The following ASAP1 variants were observed in gnomAD, a reference collection of about 807,000 sequenced individuals.
The protein encoded by ASAP1 is arf-GAP with SH3 domain, ANK repeat and PH domain-containing protein 1.
Under a neutral mutation model 145.2 loss-of-function variants are expected in ASAP1, and 43 were observed. That is an observed-to-expected ratio of 0.30 (90% CI 0.23 to 0.38). The LOEUF (loss-of-function observed/expected upper bound fraction) is 0.38, where lower values mean the gene tolerates loss of function less well. Among genes scored for constraint, ASAP1 ranks in the 10% least tolerant of loss-of-function variants. The pLI is 1.00. For missense variants in ASAP1, 1,018 were observed against 1,355.3 expected, an observed-to-expected ratio of 0.75 and a Z score of 3.91; for synonymous variants, 546 against 515.5, an observed-to-expected ratio of 1.06 and a Z score of -0.80.
At chr8:130,180,688 A>C in intron 8 of ASAP1, 63 bp downstream of exon 8, 1 of 1,552,128 alleles carries the variant, frequency 6.4e-7, no homozygotes, top group Non-Finnish European at 8.7e-7. Flanking sequence ...AAGACTGCTG[A>C]CTAGCAGGAA....
At chr8:130,211,059 A>G (rs1816550096) in intron 5 of ASAP1, among the ~76,000 whole-genome samples, 1 of 152,214 alleles carries the variant, frequency 6.6e-6, no homozygotes, top group South Asian at 2.1e-4. Flanking sequence ...TGAGGCGGAA[A>G]CTAGGATTCC....
chr8:130,165,741 C>G (rs1376726684), intron 11 of ASAP1, among the ~76,000 whole-genome samples: 1 of 152,124 alleles, frequency 6.6e-6, no homozygotes, highest in Non-Finnish European at 1.5e-5. Flanking sequence ...CTCACTTGAC[C>G]AATCCCCAGT....
chr8:130,239,504 C>T (rs1382214240), intron 3 of ASAP1, among the ~76,000 whole-genome samples: 1 of 152,044 alleles, frequency 6.6e-6, no homozygotes, highest in African/African-American at 2.4e-5. Flanking sequence ...CTAACCACTA[C>T]CTAATTCTGC....
At chr8:130,307,925 T>C (rs929558378) in intron 3 of ASAP1, among the ~76,000 whole-genome samples, 2 of 152,220 alleles carry the variant, frequency 1.3e-5, no homozygotes, top group African/African-American at 4.8e-5. Flanking sequence ...TAAAATACAC[T>C]TGAGAGAAAT....
Position 130,096,686 on chromosome 8 carries a change from C to T in ASAP1, c.2402-4543G>A, listed in dbSNP as rs2097518526. ...CATGTTAGTTTAGCATCAGCTGTCA[C>T]ATTCAAAGAAGCTGAATCATCTAGG... On this transcript the variant is annotated intron_variant, in intron 24 of 29. Transcript: ENST00000518721. Among the ~76,000 whole-genome samples the T allele has an allele frequency of 3.3e-5, 5 of 152,304 alleles. No individual in the cohort carries two copies. In the South Asian group the frequency reaches 1.0e-3, roughly 32 times the overall value.
At chr8:130,246,852 A>G (rs1489165373) in intron 3 of ASAP1, 1 of 152,228 alleles carries the variant, frequency 6.6e-6, no homozygotes, top group Non-Finnish European at 1.5e-5. Flanking sequence ...GCACCTAATC[A>G]GTAGAATCCT....
intron 4 of ASAP1, among the ~76,000 whole-genome samples, chr8:130,216,267 C>A (rs1350313908): frequency 1.3e-5 from 2 of 152,144 alleles, no homozygotes; most frequent in East Asian, 3.8e-4. Flanking sequence ...TTTCACAGTC[C>A]AGCTCTTGCT....
chr8:130,221,806 C>T (rs1035980095), intron 4 of ASAP1, among the ~76,000 whole-genome samples: 1 of 152,182 alleles, frequency 6.6e-6, no homozygotes, highest in Non-Finnish European at 1.5e-5. Context: ...TCAAGTCTAT[C>T]ATTTACTGTC....
chr8:130,187,105 A>G (rs1392163226), intron 7 of ASAP1, 131 bp downstream of exon 7: 11 of 741,632 alleles, frequency 1.5e-5, no homozygotes, highest in Admixed American at 2.9e-5. Context: ...AGGATATACT[A>G]AACAGGTTTT....
chr8:130,214,755 A>G, intron 4 of ASAP1, 54 bp from the exon 5 acceptor site: 1 of 1,460,824 alleles, frequency 6.8e-7, no homozygotes, highest in Non-Finnish European at 9.2e-7. Flanking sequence ...GCCACAATGA[A>G]AAGTTACTTT....
At position 130,358,228 on chromosome 8, in the gene ASAP1, T is replaced by C. The variant is rs928093235; in HGVS notation, c.60-85A>G. ...GGGCCGCGGGCCGCCCGGAGGCTCATGAACCCCGGCGCGCAGCCCGCCACC... is the reference window on the plus strand; with the variant it reads ...GGGCCGCGGGCCGCCCGGAGGCTCACGAACCCCGGCGCGCAGCCCGCCACC... On this transcript the variant is annotated intron_variant, in intron 2 of 29. Transcript: ENST00000518721. This position sits in a 1 kb window ranked among gnomAD's most constrained non-coding sequence, Gnocchi z 4.1. The C allele has an allele frequency of 2.7e-6, 3 of 1,116,738 alleles. No individual in the cohort carries two copies. The highest frequency in any genetic ancestry group is 1.6e-5 in the African/African-American group (1 of 60,998). 69.2% of individuals were successfully genotyped at this position (1,116,738 alleles called of 1,614,324 possible).
At chr8:130,094,353 G>C (rs573378059) in intron 24 of ASAP1, among the ~76,000 whole-genome samples, 1 of 151,912 alleles carries the variant, frequency 6.6e-6, no homozygotes, top group African/African-American at 2.4e-5. Context: ...TGGGACTACA[G>C]GCATGTATCA....
In ASAP1 at chr8:130,053,770, AAT is replaced by A. The variant is rs1258289882; in HGVS notation, c.*959_*960del. On this transcript the variant is annotated 3_prime_UTR_variant, in exon 30 of 30. Transcript: ENST00000518721. ...TCTGAGAGATGTGCATTCATAACACAATATGTCAATCCATACTCTTGAGAAAG... is the reference window on the plus strand; with the variant it reads ...TCTGAGAGATGTGCATTCATAACACAATGTCAATCCATACTCTTGAGAAAG... 2.6e-5 allele frequency: 4 copies of A among 152,262 alleles called. No homozygotes were observed. Among genetic ancestry groups the A allele is most frequent in the African/African-American group, 7.2e-5 (3 of 41,474 alleles). 9.4% of individuals were successfully genotyped at this position (152,262 alleles called of 1,614,324 possible). A position where few individuals can be genotyped will look rare whatever the true frequency, so the allele number is the denominator to read the frequency against.
chr8:130,145,281 G>C (rs1464304882), intron 13 of ASAP1, among the ~76,000 whole-genome samples: 1 of 152,144 alleles, frequency 6.6e-6, no homozygotes, highest in Non-Finnish European at 1.5e-5. Context: ...TGTATAAAAT[G>C]CATTAATTTG....
chr8:130,288,137 G>A (rs977520354), intron 3 of ASAP1, among the ~76,000 whole-genome samples: 1 of 152,194 alleles, frequency 6.6e-6, no homozygotes, highest in Admixed American at 6.5e-5. Flanking sequence ...AGGTGCTCCT[G>A]CTAATTAATG....
chr8:130,410,963 C>T (rs1436842382), intron 1 of ASAP1, among the ~76,000 whole-genome samples: 1 of 152,198 alleles, frequency 6.6e-6, no homozygotes, highest in Non-Finnish European at 1.5e-5. Context: ...CGGGTTCAAG[C>T]AATTCTCCTG....
At chr8:130,178,813 C>T (rs1364908655) in intron 9 of ASAP1, among the ~76,000 whole-genome samples, 1 of 151,902 alleles carries the variant, frequency 6.6e-6, no homozygotes, top group Non-Finnish European at 1.5e-5. Context: ...TGCCTGAACC[C>T]AGGAGGCGGA....
At chr8:130,301,900 A>T (rs923606636) in intron 3 of ASAP1, among the ~76,000 whole-genome samples, 2 of 152,224 alleles carry the variant, frequency 1.3e-5, no homozygotes, top group African/African-American at 4.8e-5. Flanking sequence ...ATACAGGATA[A>T]TCTTCAAAGA....
rs1826540289 is a variant in ASAP1, at chr8:130,358,797, C to G, written c.60-654G>C. Among the ~76,000 whole-genome samples the G allele has an allele frequency of 1.3e-5, 2 of 149,528 alleles. No individual in the cohort carries two copies. Among genetic ancestry groups the G allele is most frequent in the Non-Finnish European group, 3.0e-5 (2 of 67,130 alleles). On this transcript the variant is annotated intron_variant, in intron 2 of 29. Coordinates refer to ENST00000518721, the MANE Select transcript of ASAP1 (RefSeq NM_018482.4). The surrounding 1 kb of genome is among the most constrained non-coding windows in gnomAD (Gnocchi z 4.1). ...CAGCCCCTGGGGCCTGGCTCCGAAG[C>G]TGCCGCTCCCGACCCCGGCTGCGCG... is the stretch of plus-strand genomic sequence containing the variant.
Sources: gnomAD v4.1 joint callset for allele counts (sites outside exome capture counted in the v4.1 genomes callset) on GRCh38, gnomAD v4.1.1 for gene constraint, Gnocchi (gnomAD v3.1) non-coding constraint, MANE v1.5 for transcripts, NCBI Gene and HGNC (gene_info 2026-07-23, HGNC 2026-07-21) for gene names.